Variants in SLC12A7 observed in about 807,000 individuals in gnomAD.
SLC12A7 encodes solute carrier family 12 member 7.
In SLC12A7, 100 loss-of-function variants were observed where a neutral mutation model predicts 120.6. That is an observed-to-expected ratio of 0.83 (90% CI 0.71 to 0.98). The LOEUF (loss-of-function observed/expected upper bound fraction) is 0.98, where lower values mean the gene tolerates loss of function less well. Among genes scored for constraint, SLC12A7 ranks in the 50% least tolerant of loss-of-function variants. The pLI, the probability that SLC12A7 is intolerant of heterozygous loss-of-function variation, is 0.00. For synonymous variants in SLC12A7, 760 were observed against 678.0 expected (o/e 1.12, Z -1.88); for missense variants, 1,373 against 1,548.1 (o/e 0.89, Z 1.90).
the SLC12A7 span, among the ~76,000 whole-genome samples, chr5:1,152,858 G>A: frequency 1.9e-3 from 282 of 152,330 alleles, 1 homozygote; most frequent in Non-Finnish European, 3.2e-3. Context: ...GCTGTCTCTG[G>A]AGGATTAGAA....
At chr5:1,139,462 G>A in the SLC12A7 span, among the ~76,000 whole-genome samples, 2 of 152,276 alleles carry the variant, frequency 1.3e-5, 1 homozygote, top group South Asian at 4.1e-4. Context: ...GAGCTGGGGC[G>A]GTTGACACTG....
intron 17 of SLC12A7, among the ~76,000 whole-genome samples, chr5:1,066,595 C>G (rs1436694966): frequency 6.6e-6 from 1 of 152,184 alleles, no homozygotes; most frequent in African/African-American, 2.4e-5. Flanking sequence ...TTTGGAAAAC[C>G]TGTCTTTATG....
At chr5:1,069,788 T>G (rs1346273819) in intron 17 of SLC12A7, among the ~76,000 whole-genome samples, 1 of 152,116 alleles carries the variant, frequency 6.6e-6, no homozygotes, top group Admixed American at 6.5e-5. Flanking sequence ...CGTTTCTGGA[T>G]AGTGTGAAGC....
At chr5:1,130,263 C>G in the SLC12A7 span, among the ~76,000 whole-genome samples, 1 of 152,166 alleles carries the variant, frequency 6.6e-6, no homozygotes, top group South Asian at 2.1e-4. Flanking sequence ...CCCCACCGGG[C>G]GAGGCTGGCT....
rs1227902389 is a variant in SLC12A7, at chr5:1,112,041, G to A, written c.-50C>T. The A allele has an allele frequency of 2.1e-5, 25 of 1,215,906 alleles. No individual in the cohort carries two copies. Among genetic ancestry groups the A allele is most frequent in the South Asian group, 3.9e-5 (1 of 25,634 alleles). The allele number at this position is 1,215,906 out of a possible 1,614,324, so 75.3% of individuals were successfully genotyped here. Reference sequence around the variant, plus strand: ...GTCCCGGCCCGGCCCGCGCTGCGCCGCTCCCGCCGACGCCACGGGACTTGG... The same window carrying A: ...GTCCCGGCCCGGCCCGCGCTGCGCCACTCCCGCCGACGCCACGGGACTTGG... On this transcript the variant is annotated 5_prime_UTR_variant, in exon 1 of 24. Coordinates refer to ENST00000264930, the MANE Select transcript of SLC12A7 (RefSeq NM_006598.3).
chr5:1,093,813 C>G (rs1740806291), intron 2 of SLC12A7, among the ~76,000 whole-genome samples, 158 bp from the exon 3 acceptor site: 1 of 152,214 alleles, frequency 6.6e-6, no homozygotes, highest in Non-Finnish European at 1.5e-5. Flanking sequence ...TGTGGCAGGT[C>G]TGAGTCCGAG....
At chr5:1,120,066 G>C in the SLC12A7 span, among the ~76,000 whole-genome samples, 1 of 152,248 alleles carries the variant, frequency 6.6e-6, no homozygotes, top group African/African-American at 2.4e-5. Context: ...TTCACCCCCA[G>C]AGTGCAGTGG....
the SLC12A7 span, among the ~76,000 whole-genome samples, chr5:1,126,204 C>T: frequency 6.6e-6 from 1 of 152,106 alleles, no homozygotes; most frequent in Non-Finnish European, 1.5e-5. Flanking sequence ...TCTCAGCCTC[C>T]CAAGTAGCTG....
intron 21 of SLC12A7, among the ~76,000 whole-genome samples, chr5:1,059,424 C>T (rs981519211): frequency 4.6e-5 from 7 of 152,336 alleles, no homozygotes; most frequent in East Asian, 1.9e-4. Flanking sequence ...CCCCTGCCTC[C>T]GCCGTCACTG....
At chr5:1,076,025 A>C (rs1184862017) in intron 14 of SLC12A7, 113 bp downstream of exon 14, 3 of 853,544 alleles carry the variant, frequency 3.5e-6, no homozygotes, top group Non-Finnish European at 5.4e-6. Flanking sequence ...AGAGGCACCC[A>C]GTGTCCCAGC....
chr5:1,066,160 G>C (rs1171274928), intron 17 of SLC12A7, among the ~76,000 whole-genome samples: 1 of 152,196 alleles, frequency 6.6e-6, no homozygotes, highest in East Asian at 1.9e-4. Flanking sequence ...CTGCCCTGCT[G>C]GGTCTCAGCC....
At chr5:1,075,983 G>A (rs565090013) in intron 14 of SLC12A7, 155 bp downstream of exon 14, 3 of 619,850 alleles carry the variant, frequency 4.8e-6, no homozygotes, top group East Asian at 5.5e-5. Flanking sequence ...AGGACGCGCT[G>A]GGGTCTTCAG....
chr5:1,079,521 A>T, intron 9 of SLC12A7, 25 bp from the exon 10 acceptor site: 1 of 1,588,272 alleles, frequency 6.3e-7, no homozygotes, highest in Non-Finnish European at 8.6e-7. Flanking sequence ...AATGCTGCAA[A>T]GACCCATCTG....
At chr5:1,076,279 CCT>C (rs1242075224) in intron 13 of SLC12A7, 43 bp from the exon 14 acceptor site, 4 of 1,506,202 alleles carry the variant, frequency 2.7e-6, no homozygotes, top group Non-Finnish European at 3.6e-6. Context: ...ACTGGGCCCC[CCT>C]GAGCCCCCAG....
chr5:1,118,160 C>G, the SLC12A7 span, among the ~76,000 whole-genome samples: 5 of 152,350 alleles, frequency 3.3e-5, no homozygotes, highest in South Asian at 2.1e-4. Context: ...ACACAGCCAG[C>G]TCTGCGTGAA....
the SLC12A7 span, among the ~76,000 whole-genome samples, chr5:1,147,909 A>T: frequency 4.6e-5 from 7 of 150,996 alleles, no homozygotes; most frequent in Non-Finnish European, 8.9e-5. Context: ...TTTTTAGAAA[A>T]TTTTTTGTAG....
intron 16 of SLC12A7, 127 bp from the exon 17 acceptor site, chr5:1,073,928 G>T: frequency 1.1e-6 from 1 of 923,676 alleles, no homozygotes; most frequent in Non-Finnish European, 1.4e-6. Context: ...TGACAGGCGG[G>T]ACAGGGGACA....
intron 1 of SLC12A7, among the ~76,000 whole-genome samples, chr5:1,096,086 G>C (rs938948686): frequency 2.6e-5 from 4 of 152,220 alleles, no homozygotes; most frequent in Non-Finnish European, 5.9e-5. Context: ...CAGTTGGTGA[G>C]ATCTGAAAAA....
chr5:1,053,485 G>A lies in SLC12A7; in HGVS notation c.3027-3C>T, dbSNP rs770369990. The A allele has an allele frequency of 4.3e-6, 7 of 1,613,126 alleles. No individual in the cohort carries two copies. The highest frequency in any genetic ancestry group is 1.1e-5 in the South Asian group (1 of 91,018). On this transcript the variant is annotated splice_polypyrimidine_tract_variant and splice_region_variant and intron_variant, in intron 22 of 23. Transcript: ENST00000264930. ...TCCGCCTGACGTTGGACTGGTCCCT[G>A]CAGGGGAGGTGGGCACGGTCAGCGG...
Sources: allele counts gnomAD v4.1 joint callset (sites outside exome capture counted in the v4.1 genomes callset), GRCh38; gene constraint gnomAD v4.1.1; transcripts MANE v1.5; gene names NCBI Gene and HGNC (gene_info 2026-07-23, HGNC 2026-07-21).